ADAMTS9: variants seen among roughly 807,000 people sequenced by gnomAD.
The protein encoded by ADAMTS9 is ADAM metallopeptidase with thrombospondin type 1 motif 9, also known as A disintegrin and metalloproteinase with thrombospondin motifs 9.
ADAMTS9 carries 107 observed loss-of-function variants against 257.1 expected under a neutral mutation model. The ratio of observed to expected loss-of-function variants is 0.42; its 90% CI spans 0.36 to 0.49. ADAMTS9 has a LOEUF of 0.49. Among genes scored for constraint, ADAMTS9 ranks in the 20% least tolerant of loss-of-function variants. ADAMTS9 has a pLI of 0.03. For missense variants in ADAMTS9, 2,353 were observed against 2,469.1 expected (o/e 0.95, Z 1.00); for synonymous variants, 982 against 880.9 (o/e 1.11, Z -2.03).
At chr3:64,537,971 G>A (rs1406848302) in intron 37 of ADAMTS9, among the ~76,000 whole-genome samples, 2 of 152,216 alleles carry the variant, frequency 1.3e-5, no homozygotes, top group African/African-American at 4.8e-5. Flanking sequence ...AGGCAAGAAA[G>A]TGTAGAACCA....
At position 64,686,439 on chromosome 3, in the gene ADAMTS9, C is replaced by A; in HGVS notation, c.516+129G>T. 2 of 1,297,852 alleles carry A rather than the reference C, an allele frequency of 1.5e-6. No individual in the cohort carries two copies. Among genetic ancestry groups the A allele is most frequent in the Non-Finnish European group, 2.1e-6 (2 of 965,956 alleles). 80.4% of individuals were successfully genotyped at this position (1,297,852 alleles called of 1,614,324 possible). On this transcript the variant is annotated intron_variant, in intron 2 of 39. Transcript: ENST00000498707. This position sits in a 1 kb window ranked among gnomAD's most constrained non-coding sequence, Gnocchi z 4.6. ...CTACCCAAACCATACGAGTTTCTAG[C>A]TGATATTTAACGCCGGAGAGGAGCG...
Position 64,561,966 on chromosome 3 carries a change from G to T in ADAMTS9, c.4525-215C>A, listed in dbSNP as rs147974147. Among the ~76,000 whole-genome samples, 491 of 152,270 alleles carry T rather than the reference G, an allele frequency of 3.2e-3. 3 individuals are homozygous for T. The highest frequency in any genetic ancestry group is 0.011 in the African/African-American group (477 of 41,542). On this transcript the variant is annotated intron_variant, in intron 29 of 39. Transcript: ENST00000498707. ...CTTATCCACGCTGGAGAGTGAGGAA[G>T]GTGCTCAAGTTTGGAGGAATCCCTC... is the stretch of plus-strand genomic sequence containing the variant.
At chr3:64,669,976 A>G (rs1701446259) in intron 3 of ADAMTS9, among the ~76,000 whole-genome samples, 1 of 152,232 alleles carries the variant, frequency 6.6e-6, no homozygotes, top group African/African-American at 2.4e-5. Flanking sequence ...ACAATCAAAG[A>G]TACCGCTGGA....
At chr3:64,589,632 A>C (rs2084222332) in intron 28 of ADAMTS9, 1 of 152,174 alleles carries the variant, frequency 6.6e-6, no homozygotes, top group Admixed American at 6.5e-5. Context: ...TCACCTTATT[A>C]AAAATAAACC....
intron 16 of ADAMTS9, 43 bp downstream of exon 16, chr3:64,631,412 C>A: frequency 6.7e-7 from 1 of 1,497,536 alleles, no homozygotes; most frequent in South Asian, 1.1e-5. Context: ...GGCCACTGCT[C>A]CATAGAACCA....
intron 8 of ADAMTS9, among the ~76,000 whole-genome samples, chr3:64,651,787 T>C (rs905762097): frequency 6.6e-6 from 1 of 152,158 alleles, no homozygotes; most frequent in Non-Finnish European, 1.5e-5. Flanking sequence ...AACTCAGAGA[T>C]GGCAAATAGT....
intron 3 of ADAMTS9, among the ~76,000 whole-genome samples, chr3:64,659,873 G>A (rs769655256): frequency 2.6e-5 from 4 of 152,078 alleles, no homozygotes; most frequent in Non-Finnish European, 5.9e-5. Flanking sequence ...TTGACAATTA[G>A]AAGCTTGTTA....
intron 10 of ADAMTS9, among the ~76,000 whole-genome samples, chr3:64,649,002 A>G (rs1018033421): frequency 6.6e-6 from 1 of 152,148 alleles, no homozygotes; most frequent in Non-Finnish European, 1.5e-5. Flanking sequence ...AAACACACAT[A>G]CGCCACCCCA....
chr3:64,675,502 T>C (rs1466589722), intron 3 of ADAMTS9, among the ~76,000 whole-genome samples: 1 of 152,166 alleles, frequency 6.6e-6, no homozygotes, highest in East Asian at 1.9e-4. Flanking sequence ...GTCTTTAGTT[T>C]TGGCTACTTG....
chr3:64,584,423 TA>T (rs2084092839), intron 28 of ADAMTS9, among the ~76,000 whole-genome samples: 1 of 151,888 alleles, frequency 6.6e-6, no homozygotes, highest in Admixed American at 6.6e-5. Flanking sequence ...AAAAGGCCAA[TA>T]AAAAAGTAGG....
chr3:64,551,303 G>A (rs1393869409), intron 30 of ADAMTS9, among the ~76,000 whole-genome samples: 2 of 152,090 alleles, frequency 1.3e-5, no homozygotes, highest in Non-Finnish European at 1.5e-5. Flanking sequence ...TCTGCCTTCC[G>A]GGTTCACGCC....
intron 38 of ADAMTS9, 51 bp downstream of exon 38, chr3:64,533,115 A>G: frequency 6.6e-7 from 1 of 1,518,714 alleles, no homozygotes; most frequent in Non-Finnish European, 9.1e-7. Context: ...AAAGACAAGA[A>G]CGAAAGAAAG....
At chr3:64,659,242 T>C (rs768661459) in intron 3 of ADAMTS9, among the ~76,000 whole-genome samples, 13 of 152,138 alleles carry the variant, frequency 8.5e-5, no homozygotes, top group South Asian at 2.1e-4. Flanking sequence ...CCGAGGCAGG[T>C]GAATTTCATG....
At chr3:64,551,886 CT>C (rs2083276187) in intron 30 of ADAMTS9, among the ~76,000 whole-genome samples, 1 of 152,222 alleles carries the variant, frequency 6.6e-6, no homozygotes, top group Non-Finnish European at 1.5e-5. Flanking sequence ...TTGAAGAGGG[CT>C]TTCCTTTAGC....
At chr3:64,532,190 A>G (rs1409353900) in intron 38 of ADAMTS9, among the ~76,000 whole-genome samples, 1 of 152,224 alleles carries the variant, frequency 6.6e-6, no homozygotes, top group Non-Finnish European at 1.5e-5. Flanking sequence ...CAATAAACAC[A>G]TCGCAAGTTG....
rs2083887298 is a variant in ADAMTS9, at chr3:64,577,605, T to C, written c.4357-9070A>G. ...CAGTGACCAAAGTTTCTTGGTACTC[T>C]CAAGGTGGACTGTGATTGAAGGCCT... is the stretch of plus-strand genomic sequence containing the variant. On this transcript the variant is annotated intron_variant, in intron 28 of 39. Coordinates refer to ENST00000498707, the MANE Select transcript of ADAMTS9 (RefSeq NM_182920.2). Among the ~76,000 whole-genome samples, 4 of 152,186 alleles carry C rather than the reference T, an allele frequency of 2.6e-5. 1 individual carries two copies. Among genetic ancestry groups the C allele is most frequent in the Admixed American group, 2.6e-4 (4 of 15,282 alleles).
rs1701009220 is a variant in ADAMTS9 at position 64,654,462 on chromosome 3, T to C, written c.1211-4A>G. On this transcript the variant is annotated splice_polypyrimidine_tract_variant and splice_region_variant and intron_variant, in intron 7 of 39. Coordinates refer to ENST00000498707, the MANE Select transcript of ADAMTS9 (RefSeq NM_182920.2). ...ATGGTTCCCAGTTCAGCCAGGCCTA[T>C]TAGAAGGAAAAAAACCAACAAGGAT... The C allele has an allele frequency of 1.2e-6, 2 of 1,613,406 alleles. No homozygotes were observed. The highest frequency in any genetic ancestry group is 2.7e-5 in the African/African-American group (2 of 74,790).
At chr3:64,610,920 CA>C (rs1407798078) in intron 22 of ADAMTS9, among the ~76,000 whole-genome samples, 1 of 151,334 alleles carries the variant, frequency 6.6e-6, no homozygotes, top group East Asian at 2.0e-4. Flanking sequence ...ACTAAAAATA[CA>C]AAAAATTAGC....
In ADAMTS9 at chr3:64,662,221, T is replaced by C. The variant is rs114713694; in HGVS notation, c.680-3430A>G. ...TTCCACATACTTTTGAGCTTCTCAT[T>C]TTTTGTCTGTAATGGATTTCTAATT... On this transcript the variant is annotated intron_variant, in intron 3 of 39. Transcript: ENST00000498707. Among the ~76,000 whole-genome samples, 766 of 152,202 alleles carry C rather than the reference T, an allele frequency of 5.0e-3. 6 individuals carry two copies. The highest frequency in any genetic ancestry group is 0.018 in the African/African-American group (739 of 41,536).
Sources: allele counts gnomAD v4.1 joint callset (sites outside exome capture counted in the v4.1 genomes callset), GRCh38; gene constraint gnomAD v4.1.1; non-coding constraint Gnocchi (gnomAD v3.1); transcripts MANE v1.5; gene names NCBI Gene and HGNC (gene_info 2026-07-23, HGNC 2026-07-21).